SLC4A4: variants seen among roughly 807,000 people sequenced by gnomAD.
SLC4A4 encodes the protein electrogenic sodium bicarbonate cotransporter 1.
SLC4A4 carries 27 observed loss-of-function variants against 111.5 expected under a neutral mutation model. The observed-to-expected ratio is 0.24, with a 90% confidence interval of 0.18 to 0.33. SLC4A4 has a LOEUF of 0.33. SLC4A4 is among the 10% of genes least tolerant of loss of function. The pLI is 1.00. For synonymous variants in SLC4A4, 443 were observed against 463.4 expected, an observed-to-expected ratio of 0.96 and a Z score of 0.57; for missense variants, 909 against 1,315.5, an observed-to-expected ratio of 0.69 and a Z score of 4.78.
chr4:71,427,339 G>A (rs1410155920), intron 7 of SLC4A4, among the ~76,000 whole-genome samples: 6 of 151,872 alleles, frequency 4.0e-5, no homozygotes, highest in African/African-American at 1.4e-4. Context: ...CACAAGTTTT[G>A]ATATGTCATG....
chr4:71,144,384 G>T (rs1160220344), intron 2 of SLC4A4, among the ~76,000 whole-genome samples: 1 of 152,188 alleles, frequency 6.6e-6, no homozygotes, highest in Non-Finnish European at 1.5e-5. Context: ...TTAGCGTGAT[G>T]CCTCCAGCTT....
intron 1 of SLC4A4, among the ~76,000 whole-genome samples, chr4:71,228,223 C>T (rs1719174828): frequency 6.6e-6 from 1 of 151,984 alleles, no homozygotes; most frequent in Non-Finnish European, 1.5e-5. Context: ...GAGCCTGCTC[C>T]AGCCTTTCAG....
intron 15 of SLC4A4, among the ~76,000 whole-genome samples, chr4:71,494,295 A>G (rs1328859657): frequency 6.6e-6 from 1 of 152,012 alleles, no homozygotes; most frequent in Admixed American, 6.6e-5. Context: ...GACTTCTGAG[A>G]TTGTGTTCCC....
intron 6 of SLC4A4, among the ~76,000 whole-genome samples, chr4:71,384,120 G>T (rs1560460011): frequency 6.6e-6 from 1 of 152,146 alleles, no homozygotes; most frequent in Non-Finnish European, 1.5e-5. Context: ...GCTCTGAACA[G>T]AATTTTCCAG....
intron 1 of SLC4A4, among the ~76,000 whole-genome samples, chr4:71,235,361 A>G (rs987513473): frequency 6.6e-6 from 1 of 152,252 alleles, no homozygotes; most frequent in African/African-American, 2.4e-5. Flanking sequence ...TCTGAAGCAC[A>G]AGAATAAGTT....
intron 2 of SLC4A4, among the ~76,000 whole-genome samples, chr4:71,250,536 C>T (rs1720991587): frequency 6.6e-6 from 1 of 152,060 alleles, no homozygotes; most frequent in African/African-American, 2.4e-5. Flanking sequence ...AGATAGAATA[C>T]AGTACTGACA....
chr4:71,256,227 C>T (rs912191627), intron 3 of SLC4A4, among the ~76,000 whole-genome samples: 2 of 152,282 alleles, frequency 1.3e-5, no homozygotes, highest in Admixed American at 6.5e-5. Context: ...GTACATTCTT[C>T]ATGTCTTTGC....
At chr4:71,541,185 A>G (rs976554508) in intron 18 of SLC4A4, among the ~76,000 whole-genome samples, 1 of 152,148 alleles carries the variant, frequency 6.6e-6, no homozygotes, top group Non-Finnish European at 1.5e-5. Context: ...CTTAAAGATA[A>G]TTTTGCAGCG....
intron 2 of SLC4A4, among the ~76,000 whole-genome samples, chr4:71,106,604 T>C (rs1578485425): frequency 6.9e-6 from 1 of 145,956 alleles, no homozygotes; most frequent in South Asian, 2.3e-4. Flanking sequence ...TAAAAAATGA[T>C]GAGTTCATGT....
At chr4:71,370,101 C>T (rs966174373) in intron 6 of SLC4A4, among the ~76,000 whole-genome samples, 1 of 152,092 alleles carries the variant, frequency 6.6e-6, no homozygotes, top group Non-Finnish European at 1.5e-5. Context: ...GTTACAAATA[C>T]TAAATACTTT....
chr4:71,182,405 T>C (rs1324813992), upstream of SLC4A4, among the ~76,000 whole-genome samples: 1 of 152,104 alleles, frequency 6.6e-6, no homozygotes, highest in East Asian at 1.9e-4. Context: ...TTTTGTTACT[T>C]GCAAGGAGAC....
At chr4:71,527,940 A>C (rs765406086) in intron 16 of SLC4A4, among the ~76,000 whole-genome samples, 2 of 152,058 alleles carry the variant, frequency 1.3e-5, no homozygotes, top group African/African-American at 4.8e-5. Flanking sequence ...CCAAAGTCTG[A>C]ACTCTGGAAC....
rs374934105 is a variant in SLC4A4 at position 71,518,694 on chromosome 4, T to TTACCCTGGACCTGGGGC, written c.2167-13366_2167-13350dup. Among the ~76,000 whole-genome samples, 1,364 of 152,094 alleles carry TTACCCTGGACCTGGGGC rather than the reference T, an allele frequency of 9.0e-3. 20 individuals carry two copies. Among genetic ancestry groups the TTACCCTGGACCTGGGGC allele is most frequent in the African/African-American group, 0.03 (1,247 of 41,476 alleles). ...TGTTCAGAGCCTATTATACCTGGGG[T>TTACCCTGGACCTGGGGC]TACCCTGGACCTGGGGCTCATCTGG... On this transcript the variant is annotated intron_variant, in intron 16 of 25. Transcript: ENST00000264485.
intron 2 of SLC4A4, among the ~76,000 whole-genome samples, chr4:71,250,977 A>C (rs1240062644): frequency 6.6e-6 from 1 of 152,164 alleles, no homozygotes; most frequent in African/African-American, 2.4e-5. Flanking sequence ...TAGATATAAA[A>C]CACCTCGCAG....
intron 24 of SLC4A4, among the ~76,000 whole-genome samples, chr4:71,565,210 C>T (rs867380301): frequency 6.6e-6 from 1 of 151,800 alleles, no homozygotes; most frequent in Non-Finnish European, 1.5e-5. Context: ...TGGCCCACGC[C>T]CCATGGAGAG....
At chr4:71,503,198 C>T (rs543531149) in intron 16 of SLC4A4, among the ~76,000 whole-genome samples, 1 of 149,242 alleles carries the variant, frequency 6.7e-6, no homozygotes, top group African/African-American at 2.5e-5. Context: ...GTCTGTTGTC[C>T]TTAATAGTGA....
Position 71,205,470 on chromosome 4 carries a change from T to C in SLC4A4, c.-2+18069T>C, listed in dbSNP as rs144107303. Among the ~76,000 whole-genome samples the C allele has an allele frequency of 2.4e-4, 37 of 152,298 alleles. No homozygotes were observed. The East Asian group carries it at 6.9e-3, about 29-fold the overall frequency. The stretch of plus-strand genomic sequence containing the variant: ...AACACTTGTCTATTGAATGCAGGTA[T>C]ATCTTCTTCATCATGAAGTTTGAGA... On this transcript the variant is annotated intron_variant, in intron 1 of 25. Coordinates refer to ENST00000264485, the MANE Select transcript of SLC4A4 (RefSeq NM_001098484.3).
chr4:71,310,048 C>T (rs1726015782), intron 3 of SLC4A4, among the ~76,000 whole-genome samples: 1 of 151,212 alleles, frequency 6.6e-6, no homozygotes, highest in Non-Finnish European at 1.5e-5. Context: ...TACAAGTATC[C>T]ATAGCCAAAT....
At chr4:71,522,912 T>C (rs998781169) in intron 16 of SLC4A4, among the ~76,000 whole-genome samples, 7 of 152,176 alleles carry the variant, frequency 4.6e-5, no homozygotes, top group African/African-American at 1.7e-4. Context: ...TGACAGCATT[T>C]AGTTTTTATT....
Sources: allele counts gnomAD v4.1 joint callset (sites outside exome capture counted in the v4.1 genomes callset), GRCh38; gene constraint gnomAD v4.1.1; transcripts MANE v1.5; gene names NCBI Gene and HGNC (gene_info 2026-07-23, HGNC 2026-07-21).